The following MRNIP variants were observed in gnomAD, a reference collection of about 807,000 sequenced individuals.
The protein encoded by MRNIP is MRN complex-interacting protein.
MRNIP carries 30 observed loss-of-function variants against 29.8 expected under a neutral mutation model. The observed-to-expected ratio is 1.01, with a 90% CI of 0.75 to 1.36. The LOEUF (loss-of-function observed/expected upper bound fraction) is 1.36, where lower values mean the gene tolerates loss of function less well. Ranked by LOEUF, MRNIP falls within the 40% of genes most tolerant of loss-of-function variation. The pLI is 0.00. For synonymous variants in MRNIP, 201 were observed against 164.1 expected, an observed-to-expected ratio of 1.23 and a Z score of -1.72; for missense variants, 459 against 423.5, an observed-to-expected ratio of 1.08 and a Z score of -0.74.
chr5:179,841,361 T>C, intron 5 of MRNIP: 1 of 189,506 alleles, frequency 5.3e-6, no homozygotes. Flanking sequence ...GACTGGAGGA[T>C]CAAATGATCC....
chr5:179,842,194 G>A, intron 4 of MRNIP, 130 bp from the exon 5 acceptor site: 1 of 899,544 alleles, frequency 1.1e-6, no homozygotes, highest in Non-Finnish European at 1.7e-6. Context: ...AAAGGCACCG[G>A]CTGGAAGGTG....
At chr5:179,838,033 G>C (rs1758690108) in intron 6 of MRNIP, 148 bp from the exon 7 acceptor site, 2 of 714,974 alleles carry the variant, frequency 2.8e-6, no homozygotes, top group Non-Finnish European at 4.5e-6. Flanking sequence ...TTGATTTTGA[G>C]GGTTAGCAAG....
chr5:179,849,017 T>C (rs1276782203), intron 2 of MRNIP, among the ~76,000 whole-genome samples: 5 of 144,244 alleles, frequency 3.5e-5, no homozygotes, highest in African/African-American at 1.0e-4. Context: ...TTTGAGACCA[T>C]GGGTCCTGCT....
chr5:179,848,811 A>G (rs1759232187), intron 2 of MRNIP, among the ~76,000 whole-genome samples: 1 of 152,246 alleles, frequency 6.6e-6, no homozygotes. Context: ...AGCAACCCAC[A>G]TGGCTGTCTA....
chr5:179,841,931 A>C lies in MRNIP; in HGVS notation c.425T>G (p.Phe142Cys). The C allele has an allele frequency of 1.9e-6, 3 of 1,614,012 alleles. No individual in the cohort carries two copies. The highest frequency in any genetic ancestry group is 2.5e-6 in the Non-Finnish European group (3 of 1,180,040). Residue 142 changes from phenylalanine to cysteine, a missense_variant, in exon 5 of 7, where the codon TTC becomes TGC. Phe to Cys is a radical substitution (Grantham distance 205, BLOSUM62 -2). Coordinates refer to ENST00000292586, the MANE Select transcript of MRNIP (RefSeq NM_016175.4). ...CCTTTTTCTAGGCAGGTCTTGACTG[A>C]AGCGGGGGCCTGGCTCCTCCATTTT... ...SSKMEEPGPR[F>C]SQDLPRKRKW... is the part of the protein sequence containing the mutation.
At position 179,837,326 on chromosome 5, in the gene MRNIP, G is replaced by A; in HGVS notation, c.*65C>T. The A allele has an allele frequency of 6.3e-7, 1 of 1,587,528 alleles. No homozygotes were observed. Among genetic ancestry groups the A allele is most frequent in the Non-Finnish European group, 8.6e-7 (1 of 1,166,168 alleles). The stretch of plus-strand genomic sequence containing the variant: ...TGGTTCTTACAGAGTATCTTTAAAA[G>A]TGCCTTAGGGGAACCCTGTCCCTCC... On this transcript the variant is annotated 3_prime_UTR_variant, in exon 7 of 7. Coordinates refer to ENST00000292586, the MANE Select transcript of MRNIP (RefSeq NM_016175.4).
Position 179,837,452 on chromosome 5 carries a change from G to A in MRNIP, c.971C>T (p.Pro324Leu). The A allele has an allele frequency of 1.9e-6, 3 of 1,612,626 alleles. No individual in the cohort carries two copies. Among genetic ancestry groups the A allele is most frequent in the African/African-American group, 2.7e-5 (2 of 75,022 alleles). ...GAGGTCACATAGTCGTGTGGGTCGA[G>A]GATTCTGTGCCTCCAGGACCAGGGG... ...GGPLVLEAQN[P>L]RPTRLCDLFI... The change falls in exon 7 of 7, where the codon CCT becomes CTT. Residue 324 changes from proline to leucine, a missense_variant. Physicochemically the swap from Pro to Leu is moderately conservative, Grantham distance 98. Transcript: ENST00000292586.
intron 2 of MRNIP, among the ~76,000 whole-genome samples, chr5:179,850,725 G>T (rs1390397506): frequency 3.3e-5 from 5 of 152,194 alleles, no homozygotes; most frequent in African/African-American, 1.2e-4. Flanking sequence ...TCTTCCATAG[G>T]GCAGGGACTG....
In MRNIP at chr5:179,837,310, C is replaced by T. The variant is rs1464407967; in HGVS notation, c.*81G>A. The T allele has an allele frequency of 2.5e-6, 4 of 1,598,764 alleles. No individual in the cohort carries two copies. The highest frequency in any genetic ancestry group is 2.2e-5 in the East Asian group (1 of 44,750). On this transcript the variant is annotated 3_prime_UTR_variant, in exon 7 of 7. Coordinates refer to ENST00000292586, the MANE Select transcript of MRNIP (RefSeq NM_016175.4). ...GTAAGTTTATTGTTAATGGTTCTTA[C>T]AGAGTATCTTTAAAAGTGCCTTAGG...
intron 6 of MRNIP, chr5:179,840,503 T>C (rs935269574): frequency 5.0e-6 from 2 of 397,906 alleles, no homozygotes; most frequent in African/African-American, 4.1e-5. Flanking sequence ...GAGGGAAGCA[T>C]CTCCCAGGAT....
intron 2 of MRNIP, chr5:179,850,944 C>A: frequency 3.4e-6 from 1 of 297,964 alleles, no homozygotes; most frequent in Non-Finnish European, 6.8e-6. Context: ...TACAGATGAG[C>A]CTCAGGGAAT....
chr5:179,857,029 C>A (rs1252106065), intron 1 of MRNIP, among the ~76,000 whole-genome samples: 1 of 152,062 alleles, frequency 6.6e-6, no homozygotes, highest in African/African-American at 2.4e-5. Context: ...CAGGTTGCAG[C>A]GAGCTGTGAT....
Position 179,844,396 on chromosome 5 carries a change from T to C in MRNIP, c.216-169A>G, listed in dbSNP as rs1200359731. ...GGTGGTGCATACCTATATTCCCAGC[T>C]ACTCAGGAGGCTGAGGCAGATAATG... On this transcript the variant is annotated intron_variant, in intron 3 of 6. Transcript: ENST00000292586. 5.5e-6 allele frequency: 3 copies of C among 543,844 alleles called. No homozygotes were observed. The African/African-American group carries it at 5.9e-5, about 11-fold the overall frequency. The allele number at this position is 543,844 out of a possible 1,614,324, so 33.7% of individuals were successfully genotyped here.
chr5:179,851,207 A>G (rs1759352222), intron 2 of MRNIP: 1 of 454,916 alleles, frequency 2.2e-6, no homozygotes, highest in African/African-American at 2.0e-5. Flanking sequence ...ATACATCTCA[A>G]ACAAGCCATG....
rs773077321 is a variant in MRNIP, at chr5:179,858,756, C to G, written c.41G>C (p.Ser14Thr). 1.3e-6 allele frequency: 2 copies of G among 1,535,718 alleles called. No individual in the cohort carries two copies. The highest frequency in any genetic ancestry group is 2.0e-5 in the Admixed American group (1 of 50,034). The change falls in exon 1 of 7, where the codon AGC becomes ACC. Residue 14 changes from serine (S) to threonine (T), a missense_variant. Physicochemically the swap from Ser to Thr is moderately conservative, Grantham distance 58 (BLOSUM62 1). Coordinates refer to ENST00000292586, the MANE Select transcript of MRNIP (RefSeq NM_016175.4). ...CTGGTGCGCCTGGAAGAGGCGGCAGCTGCAGCAGCGTAGCACCCGAGAACG... is the reference window on the plus strand; with the variant it reads ...CTGGTGCGCCTGGAAGAGGCGGCAGGTGCAGCAGCGTAGCACCCGAGAACG... ...LQRSRVLRCC[S>T]CRLFQAHQVK...
At chr5:179,854,435 C>G (rs1759500372) in intron 1 of MRNIP, among the ~76,000 whole-genome samples, 1 of 152,164 alleles carries the variant, frequency 6.6e-6, no homozygotes, top group Admixed American at 6.5e-5. Flanking sequence ...GAGAAAAGAA[C>G]AGACTATTTA....
intron 3 of MRNIP, chr5:179,846,181 G>A (rs1453906535): frequency 6.6e-6 from 1 of 152,066 alleles, no homozygotes; most frequent in Admixed American, 6.6e-5. Flanking sequence ...TGACTTTTCT[G>A]ACTGTTGATC....
chr5:179,841,032 T>C (rs1394756733), intron 5 of MRNIP, 73 bp from the exon 6 acceptor site: 13 of 1,121,556 alleles, frequency 1.2e-5, no homozygotes, highest in Non-Finnish European at 1.7e-5. Context: ...CACGATCACA[T>C]GGCCCACAGG....
intron 1 of MRNIP, among the ~76,000 whole-genome samples, chr5:179,858,355 T>C (rs1262325772): frequency 6.6e-6 from 1 of 152,064 alleles, no homozygotes; most frequent in Non-Finnish European, 1.5e-5. Context: ...CGCCCAGGTG[T>C]GGAGCAGGGA....
Sources: gnomAD v4.1 joint callset for allele counts (sites outside exome capture counted in the v4.1 genomes callset) on GRCh38, gnomAD v4.1.1 for gene constraint, MANE v1.5 for transcripts, NCBI Gene and HGNC (gene_info 2026-07-23, HGNC 2026-07-21) for gene names.